DNAH8: variants seen among roughly 807,000 people sequenced by gnomAD.
DNAH8 encodes the protein axonemal beta dynein heavy chain 8.
Under a neutral mutation model 562.1 loss-of-function variants are expected in DNAH8, and 382 were observed. The observed-to-expected ratio is 0.68, with a 90% confidence interval of 0.63 to 0.74. DNAH8 has a LOEUF of 0.74. Ranked by LOEUF, DNAH8 falls within the 30% of genes least tolerant of loss-of-function variation. The pLI is 0.00. For synonymous variants in DNAH8, 1,881 were observed against 1,919.4 expected (o/e 0.98, Z 0.52); for missense variants, 5,203 against 5,620.4 (o/e 0.93, Z 2.37).
chr6:38,988,028 C>T (rs958517719), intron 87 of DNAH8, among the ~76,000 whole-genome samples: 48 of 152,218 alleles, frequency 3.2e-4, no homozygotes, highest in African/African-American at 1.1e-3. Context: ...TGCACTACCT[C>T]CACTTTACCC....
At chr6:38,961,181 G>T (rs1010071322) in intron 82 of DNAH8, among the ~76,000 whole-genome samples, 1 of 151,858 alleles carries the variant, frequency 6.6e-6, no homozygotes, top group Non-Finnish European at 1.5e-5. Flanking sequence ...ACTGAGGGAG[G>T]GTAGAGGGGA....
intron 33 of DNAH8, among the ~76,000 whole-genome samples, chr6:38,839,355 G>GTT (rs35153263): frequency 1.1e-4 from 16 of 143,060 alleles, no homozygotes; most frequent in African/African-American, 3.5e-4. Context: ...AAGCTTTGAA[G>GTT]TTTTTTTTTT....
intron 91 of DNAH8, among the ~76,000 whole-genome samples, chr6:39,024,307 C>T (rs1045372533): frequency 3.3e-5 from 5 of 152,174 alleles, no homozygotes; most frequent in Non-Finnish European, 7.3e-5. Flanking sequence ...AGTAATGAAT[C>T]TTAAAACATC....
chr6:38,875,344 G>A (rs1777910984), intron 52 of DNAH8, among the ~76,000 whole-genome samples: 2 of 152,196 alleles, frequency 1.3e-5, no homozygotes, highest in Non-Finnish European at 2.9e-5. Flanking sequence ...AGTGGGATGA[G>A]CTGAGGGTTG....
intron 88 of DNAH8, among the ~76,000 whole-genome samples, chr6:39,003,579 C>A (rs1471706122): frequency 1.3e-5 from 2 of 152,094 alleles, no homozygotes; most frequent in African/African-American, 4.8e-5. Flanking sequence ...TTTTCTGTGT[C>A]TATAAGCACA....
intron 88 of DNAH8, among the ~76,000 whole-genome samples, chr6:38,994,846 G>A (rs1435625772): frequency 1.3e-5 from 2 of 151,960 alleles, no homozygotes; most frequent in Admixed American, 6.5e-5. Flanking sequence ...GTTTCACCAT[G>A]TTGACCAGGC....
At position 38,857,692 on chromosome 6, in the gene DNAH8, G is replaced by A. The variant is rs138892245; in HGVS notation, c.5908G>A (p.Glu1970Lys). 10 of 1,613,502 alleles carry A rather than the reference G, an allele frequency of 6.2e-6. No homozygotes were observed. The highest frequency in any genetic ancestry group is 5.0e-5 in the Admixed American group (3 of 59,990). The change falls in exon 42 of 93, where the codon GAG becomes AAG. Residue 1970 changes from glutamate to lysine, a missense_variant. Glu to Lys is a moderately conservative substitution (Grantham distance 56). Coordinates refer to ENST00000327475, the MANE Select transcript of DNAH8 (RefSeq NM_001206927.2). Reference sequence around the variant, plus strand: ...AAGCAAGTTTGATAGAGTGAAGTTCGAGACTCTAATTACCATCCATGTGCA... The same window carrying A: ...AAGCAAGTTTGATAGAGTGAAGTTCAAGACTCTAATTACCATCCATGTGCA... The part of the protein sequence containing the change: ...DLSKFDRVKF[E>K]TLITIHVHQR...
chr6:38,838,801 C>T (rs1169429479), intron 33 of DNAH8, among the ~76,000 whole-genome samples: 2 of 152,264 alleles, frequency 1.3e-5, no homozygotes, highest in Non-Finnish European at 1.5e-5. Flanking sequence ...GATTATAAAC[C>T]ACACATATAA....
At chr6:38,797,447 C>A (rs1263098990) in intron 21 of DNAH8, among the ~76,000 whole-genome samples, 1 of 152,080 alleles carries the variant, frequency 6.6e-6, no homozygotes, top group African/African-American at 2.4e-5. Flanking sequence ...TGTTTTCTTC[C>A]CTAAGAAAGC....
At chr6:38,867,918 T>G in intron 47 of DNAH8, 144 bp from the exon 48 acceptor site, 1 of 700,486 alleles carries the variant, frequency 1.4e-6, no homozygotes, top group East Asian at 2.7e-5. Flanking sequence ...AGGCAGGAAG[T>G]TGAGCTAATA....
chr6:38,818,830 T>C (rs1738218), intron 26 of DNAH8, among the ~76,000 whole-genome samples: 74,751 of 151,666 alleles, frequency 0.49, 19,354 homozygotes, highest in East Asian at 0.69. Flanking sequence ...GATGAAGTTG[T>C]TGCTCTACAC....
chr6:38,924,436 A>C (rs114904568), intron 73 of DNAH8, among the ~76,000 whole-genome samples: 1,952 of 152,092 alleles, frequency 0.013, 34 homozygotes, highest in African/African-American at 0.037. Flanking sequence ...CGCTTCAACC[A>C]GGGAGGCAAT....
chr6:38,876,712 C>T (rs1778039465), intron 53 of DNAH8, among the ~76,000 whole-genome samples: 1 of 152,138 alleles, frequency 6.6e-6, no homozygotes, highest in African/African-American at 2.4e-5. Context: ...AAAAGACCTC[C>T]TGGGCCGCTT....
chr6:38,812,478 C>T (rs1248601227), intron 24 of DNAH8, among the ~76,000 whole-genome samples: 4 of 152,210 alleles, frequency 2.6e-5, no homozygotes, highest in East Asian at 1.9e-4. Context: ...TGCCCACACA[C>T]GAACGCTAGC....
chr6:38,833,693 T>C (rs1248454132), intron 31 of DNAH8, among the ~76,000 whole-genome samples: 2 of 152,210 alleles, frequency 1.3e-5, no homozygotes, highest in Admixed American at 1.3e-4. Flanking sequence ...TTCTTTGCAT[T>C]ACTTCTGTGC....
chr6:38,953,986 A>G (rs996510540), intron 82 of DNAH8, among the ~76,000 whole-genome samples: 2 of 151,952 alleles, frequency 1.3e-5, no homozygotes, highest in African/African-American at 2.4e-5. Flanking sequence ...ATTCCTTCTC[A>G]TTGTTTTCAT....
chr6:38,715,957 TA>T (rs1381572123), intron 1 of DNAH8, among the ~76,000 whole-genome samples: 56 of 29,078 alleles, frequency 1.9e-3, no homozygotes, highest in Non-Finnish European at 2.9e-3. Context: ...TATATATATA[TA>T]TATTTTTTTT....
chr6:39,009,274 CA>C (rs1461547937), intron 89 of DNAH8, among the ~76,000 whole-genome samples: 3 of 149,800 alleles, frequency 2.0e-5, no homozygotes, highest in Admixed American at 6.7e-5. Context: ...ATTTATATAT[CA>C]ATTTCTATGA....
rs1766278913 is a variant in DNAH8, at chr6:39,012,446, A to G, written c.13525-2A>G. 6.2e-7 allele frequency: 1 copy of G among 1,611,004 alleles called. No homozygotes were observed. The highest frequency in any genetic ancestry group is 8.5e-7 in the Non-Finnish European group (1 of 1,177,708). On this transcript the variant is annotated splice_acceptor_variant, in intron 90 of 92. Transcript: ENST00000327475. LOFTEE classifies it high-confidence loss of function. ...CATGTGTTTTAACTTTTTCTTCTCCAGAATCTGAGAGATGCTCTGGACAAC... is the reference window on the plus strand; with the variant it reads ...CATGTGTTTTAACTTTTTCTTCTCCGGAATCTGAGAGATGCTCTGGACAAC...
Sources: allele counts gnomAD v4.1 joint callset (sites outside exome capture counted in the v4.1 genomes callset), GRCh38; gene constraint gnomAD v4.1.1; transcripts MANE v1.5; gene names NCBI Gene and HGNC (gene_info 2026-07-23, HGNC 2026-07-21).